The following TP63 variants were observed in gnomAD, a reference collection of about 807,000 sequenced individuals.
TP63 encodes the protein tumor protein p63.
A neutral mutation model predicts 82.8 loss-of-function variants in TP63; 17 were observed. The observed-to-expected ratio is 0.21, with a 90% CI of 0.14 to 0.31. The LOEUF (loss-of-function observed/expected upper bound fraction) is 0.31, where lower values mean the gene tolerates loss of function less well. TP63 is among the 10% of genes least tolerant of loss of function. The pLI is 1.00. For missense variants in TP63, 648 were observed against 895.3 expected (o/e 0.72, Z 3.52); for synonymous variants, 330 against 321.7 (o/e 1.03, Z -0.28).
intron 1 of TP63, among the ~76,000 whole-genome samples, chr3:189,725,049 T>A (rs1719672064): frequency 6.6e-6 from 1 of 152,266 alleles, no homozygotes; most frequent in African/African-American, 2.4e-5. Context: ...TCCTTATGAT[T>A]TGTATCAGAC....
chr3:189,819,807 A>T (rs1361009842), intron 4 of TP63, among the ~76,000 whole-genome samples: 1 of 127,148 alleles, frequency 7.9e-6, no homozygotes. Context: ...GCTGGAGTGC[A>T]GTGGTGCCAC....
intron 3 of TP63, among the ~76,000 whole-genome samples, chr3:189,740,981 C>T (rs998397970): frequency 1.3e-5 from 2 of 152,114 alleles, no homozygotes; most frequent in African/African-American, 2.4e-5. Context: ...TAAAGTAGAA[C>T]AGGGCTGTAC....
chr3:189,704,205 A>G (rs1465165833), intron 1 of TP63, among the ~76,000 whole-genome samples: 1 of 152,226 alleles, frequency 6.6e-6, no homozygotes, highest in Non-Finnish European at 1.5e-5. Context: ...GTGTGTGTAT[A>G]TGTGTGTGGC....
chr3:189,804,607 A>C (rs1408797077), intron 3 of TP63, among the ~76,000 whole-genome samples: 2 of 152,228 alleles, frequency 1.3e-5, no homozygotes, highest in Non-Finnish European at 2.9e-5. Context: ...CTTTAAATCA[A>C]AGGAATAAGT....
chr3:189,706,826 A>ATAG (rs1426898989), intron 1 of TP63, among the ~76,000 whole-genome samples: 1 of 152,234 alleles, frequency 6.6e-6, no homozygotes, highest in African/African-American at 2.4e-5. Context: ...GCCTAAGGCA[A>ATAG]TAGTAGTTCT....
chr3:189,694,603 T>C (rs1283533796), intron 1 of TP63, among the ~76,000 whole-genome samples: 1 of 152,008 alleles, frequency 6.6e-6, no homozygotes, highest in Non-Finnish European at 1.5e-5. Flanking sequence ...AGGAAGACCA[T>C]GCAGGTAAAG....
At chr3:189,864,161 T>C in intron 4 of TP63, 71 bp from the exon 5 acceptor site, 2 of 1,596,210 alleles carry the variant, frequency 1.3e-6, no homozygotes, top group South Asian at 2.2e-5. Context: ...TTCATTGTTC[T>C]GATTTGGAAT....
the TP63 span, among the ~76,000 whole-genome samples, chr3:189,620,143 C>A: frequency 6.6e-6 from 1 of 152,160 alleles, no homozygotes; most frequent in Non-Finnish European, 1.5e-5. Flanking sequence ...GAGGCCGAGG[C>A]GGGCAGACCA....
the TP63 span, among the ~76,000 whole-genome samples, chr3:189,601,444 C>T: frequency 6.6e-6 from 1 of 152,092 alleles, no homozygotes; most frequent in African/African-American, 2.4e-5. Context: ...TGTACATCAT[C>T]CTGAACCTCC....
At chr3:189,619,303 G>C in the TP63 span, among the ~76,000 whole-genome samples, 1 of 152,182 alleles carries the variant, frequency 6.6e-6, no homozygotes, top group African/African-American at 2.4e-5. Context: ...CAGTGTGAGG[G>C]AAGCACTAGC....
chr3:189,892,606 C>T (rs1299691570), intron 13 of TP63, among the ~76,000 whole-genome samples: 1 of 152,094 alleles, frequency 6.6e-6, no homozygotes, highest in South Asian at 2.1e-4. Context: ...TCCTGGCTAA[C>T]ACGGTGAAAC....
At chr3:189,606,301 G>GA in the TP63 span, among the ~76,000 whole-genome samples, 36 of 150,540 alleles carry the variant, frequency 2.4e-4, 1 homozygote, top group Admixed American at 4.0e-4. Context: ...CAGGCCTCAG[G>GA]AAAAAAAAAT....
At chr3:189,684,208 T>G (rs1716220656) in intron 1 of TP63, among the ~76,000 whole-genome samples, 1 of 152,230 alleles carries the variant, frequency 6.6e-6, no homozygotes, top group South Asian at 2.1e-4. Flanking sequence ...GTACCTATGG[T>G]ATGTAAGACA....
In TP63 at chr3:189,634,516, G is replaced by A. The variant is rs530967272; in HGVS notation, c.62+2939G>A. Among the ~76,000 whole-genome samples the A allele has an allele frequency of 9.2e-5, 14 of 152,006 alleles. No individual in the cohort carries two copies. In the East Asian group the frequency reaches 2.7e-3, roughly 29 times the overall value. On this transcript the variant is annotated intron_variant, in intron 1 of 13. Coordinates refer to ENST00000264731, the MANE Select transcript of TP63 (RefSeq NM_003722.5). ...CCACTTAAACATATTACCATATTGA[G>A]CATTTAGTTGTGCCCTGATGTTAAT...
chr3:189,696,655 A>G (rs1049431269), intron 1 of TP63, among the ~76,000 whole-genome samples: 2 of 152,132 alleles, frequency 1.3e-5, no homozygotes, highest in Admixed American at 6.5e-5. Flanking sequence ...ACAATTTTGC[A>G]TTCTCACCAG....
At chr3:189,691,722 T>C (rs1362654478) in intron 1 of TP63, among the ~76,000 whole-genome samples, 1 of 152,206 alleles carries the variant, frequency 6.6e-6, no homozygotes, top group African/African-American at 2.4e-5. Context: ...GAGTCTATAC[T>C]ACAGTCCTCT....
chr3:189,672,764 A>G (rs945637536), intron 1 of TP63, among the ~76,000 whole-genome samples: 2 of 152,144 alleles, frequency 1.3e-5, no homozygotes, highest in African/African-American at 2.4e-5. Context: ...TAAGATAAAC[A>G]TAAAAATAAA....
At chr3:189,758,717 T>C (rs1346770452) in intron 3 of TP63, among the ~76,000 whole-genome samples, 1 of 152,190 alleles carries the variant, frequency 6.6e-6, no homozygotes, top group Non-Finnish European at 1.5e-5. Context: ...AGAGTTGAGG[T>C]CTCTGCAGAC....
At chr3:189,744,311 A>G (rs753606565) in intron 3 of TP63, among the ~76,000 whole-genome samples, 5 of 152,146 alleles carry the variant, frequency 3.3e-5, no homozygotes, top group Admixed American at 6.5e-5. Context: ...TTTCCTTCCC[A>G]GTAGAAGAGC....
Sources: gnomAD v4.1 joint callset for allele counts (sites outside exome capture counted in the v4.1 genomes callset) on GRCh38, gnomAD v4.1.1 for gene constraint, MANE v1.5 for transcripts, NCBI Gene and HGNC (gene_info 2026-07-23, HGNC 2026-07-21) for gene names.